CECR2: variants seen among roughly 807,000 people sequenced by gnomAD.
CECR2 encodes the protein chromatin remodeling regulator CECR2.
CECR2 carries 30 observed loss-of-function variants against 154.5 expected under a neutral mutation model. That is an observed-to-expected ratio of 0.19 (90% CI 0.15 to 0.26). The LOEUF (loss-of-function observed/expected upper bound fraction) is 0.26. Among genes scored for constraint, CECR2 ranks in the 10% least tolerant of loss-of-function variants. CECR2 has a pLI of 1.00. For missense variants in CECR2, 1,743 were observed against 1,829.3 expected (o/e 0.95, Z 0.86); for synonymous variants, 725 against 683.7 (o/e 1.06, Z -0.94).
chr22:17,410,686 C>T (rs5747110), intron 1 of CECR2, among the ~76,000 whole-genome samples: 70,798 of 151,978 alleles, frequency 0.47, 17,265 homozygotes, highest in Non-Finnish European at 0.54. Flanking sequence ...GACCTTGTGA[C>T]CTGCCTCAGC....
intron 1 of CECR2, among the ~76,000 whole-genome samples, chr22:17,458,973 G>A (rs2054895655): frequency 6.6e-6 from 1 of 152,192 alleles, no homozygotes; most frequent in South Asian, 2.1e-4. Flanking sequence ...TTGTGAAAAT[G>A]AGTCATTATG....
chr22:17,503,551 G>A (rs1482986246), intron 6 of CECR2, among the ~76,000 whole-genome samples: 1 of 152,202 alleles, frequency 6.6e-6, no homozygotes, highest in Non-Finnish European at 1.5e-5. Context: ...AGTTTGCACA[G>A]TGTAGTTGAG....
intron 2 of CECR2, among the ~76,000 whole-genome samples, chr22:17,487,937 C>T (rs548278224): frequency 6.6e-6 from 1 of 152,162 alleles, no homozygotes; most frequent in African/African-American, 2.4e-5. Flanking sequence ...GGTTTGAGTG[C>T]AATGGCCTGA....
chr22:17,481,048 T>TAAAAAAAAAA (rs1569109739), intron 2 of CECR2, among the ~76,000 whole-genome samples: 1 of 73,178 alleles, frequency 1.4e-5, no homozygotes, highest in African/African-American at 4.2e-5. Flanking sequence ...TCTTTTTTTT[T>TAAAAAAAAAA]TAAAAAAAAA....
At position 17,442,356 on chromosome 22, in the gene CECR2, A is replaced by G. The variant is rs1196561144; in HGVS notation, c.127-35232A>G. Among the ~76,000 whole-genome samples, 9 of 152,316 alleles carry G rather than the reference A, an allele frequency of 5.9e-5. 2 individuals are homozygous for G. In the Middle Eastern group the frequency reaches 0.017, roughly 288 times the overall value. On this transcript the variant is annotated intron_variant, in intron 1 of 18. Coordinates refer to ENST00000262608, the MANE Select transcript of CECR2 (RefSeq NM_001290047.2). ...AGATGGGAGAGGATAGCTTGAGGCT[A>G]GGAGTTCTGGAGCAGCCTGAGCAAC... is the stretch of plus-strand genomic sequence containing the variant.
intron 1 of CECR2, among the ~76,000 whole-genome samples, chr22:17,469,482 G>A (rs1258458951): frequency 3.3e-5 from 5 of 152,142 alleles, no homozygotes; most frequent in South Asian, 2.1e-4. Context: ...GCGACAGCGC[G>A]TCATCACTGT....
intron 2 of CECR2, among the ~76,000 whole-genome samples, chr22:17,488,917 G>T (rs2055474052): frequency 6.6e-6 from 1 of 152,132 alleles, no homozygotes; most frequent in Non-Finnish European, 1.5e-5. Context: ...TATCTGAACA[G>T]TCCAGTTGCT....
intron 1 of CECR2, among the ~76,000 whole-genome samples, chr22:17,373,070 T>C (rs759014612): frequency 1.3e-5 from 2 of 152,192 alleles, no homozygotes; most frequent in Non-Finnish European, 2.9e-5. Flanking sequence ...AATAAATTTT[T>C]TGTTTTTTCT....
At chr22:17,499,575 A>T (rs1472994770) in intron 4 of CECR2, 26 bp downstream of exon 4, 8 of 1,575,176 alleles carry the variant, frequency 5.1e-6, no homozygotes, top group Non-Finnish European at 6.9e-6. Context: ...TTAGGGCATG[A>T]TAGCTACTGT....
At chr22:17,447,596 G>A (rs773060772) in intron 1 of CECR2, among the ~76,000 whole-genome samples, 11 of 150,850 alleles carry the variant, frequency 7.3e-5, no homozygotes, top group African/African-American at 1.2e-4. Flanking sequence ...AAATCACATA[G>A]GAGTAATAAA....
intron 1 of CECR2, among the ~76,000 whole-genome samples, chr22:17,441,222 T>A (rs1018729431): frequency 1.3e-5 from 2 of 152,194 alleles, no homozygotes; most frequent in Admixed American, 1.3e-4. Context: ...AGTGCTGGGA[T>A]TACAGGCGTG....
At chr22:17,463,036 T>A (rs2054968300) in intron 1 of CECR2, among the ~76,000 whole-genome samples, 1 of 152,170 alleles carries the variant, frequency 6.6e-6, no homozygotes, top group South Asian at 2.1e-4. Context: ...AATAAATGCA[T>A]ATAATCAATA....
intron 9 of CECR2, among the ~76,000 whole-genome samples, chr22:17,525,802 A>G (rs1242881882): frequency 6.6e-6 from 1 of 152,112 alleles, no homozygotes; most frequent in Non-Finnish European, 1.5e-5. Flanking sequence ...TAGGGTCCTT[A>G]TTGGGTACAC....
rs527676454 is a variant in CECR2, at chr22:17,434,198, C to G, written c.127-43390C>G. On this transcript the variant is annotated intron_variant, in intron 1 of 18. Coordinates refer to ENST00000262608, the MANE Select transcript of CECR2 (RefSeq NM_001290047.2). The stretch of plus-strand genomic sequence containing the variant: ...CTCTTGGGAGAATGAACAGTTAAAG[C>G]ATGGTGTGACTATTGTTCTGTCAAG... 3.9e-5 allele frequency among the ~76,000 whole-genome samples: 6 copies of G among 152,206 alleles called. No homozygotes were observed. In the South Asian group the frequency reaches 1.2e-3, roughly 32 times the overall value.
At chr22:17,421,786 C>G (rs2146604710) in intron 1 of CECR2, among the ~76,000 whole-genome samples, 1 of 151,446 alleles carries the variant, frequency 6.6e-6, no homozygotes, top group African/African-American at 2.4e-5. Context: ...GAGCGAGACT[C>G]CGTCTTGCAC....
chr22:17,438,619 A>ATTT (rs59612229), intron 1 of CECR2, among the ~76,000 whole-genome samples: 2 of 147,510 alleles, frequency 1.4e-5, no homozygotes, highest in African/African-American at 4.9e-5. Flanking sequence ...ACATTATGAG[A>ATTT]TTTTTTTTTT....
intron 8 of CECR2, among the ~76,000 whole-genome samples, chr22:17,515,680 T>TC (rs932416230): frequency 2.7e-5 from 4 of 150,788 alleles, no homozygotes; most frequent in African/African-American, 9.7e-5. Flanking sequence ...TACCAACCTT[T>TC]TTTTTTTTTT....
At chr22:17,421,499 C>T (rs2054248342) in intron 1 of CECR2, among the ~76,000 whole-genome samples, 1 of 150,674 alleles carries the variant, frequency 6.6e-6, no homozygotes. Flanking sequence ...CCTGTAGTCC[C>T]AGCTACTTGG....
chr22:17,500,660 G>T lies in CECR2; in HGVS notation c.575G>T (p.Ser192Ile). The T allele has an allele frequency of 6.4e-7, 1 of 1,556,228 alleles. No homozygotes were observed. The highest frequency in any genetic ancestry group is 1.2e-5 in the South Asian group (1 of 83,736). Residue 192 changes from serine (S) to isoleucine (I), a missense_variant, in exon 5 of 19, where the codon AGT (serine) becomes ATT (isoleucine). This residue lies in a region of CECR2 where 292 missense variants were observed against 301.2 expected (regional missense o/e 0.97). Transcript: ENST00000262608. ...RESEGQKNVS[S>I]IPGKTGKRRG... The stretch of plus-strand genomic sequence containing the variant: ...AGTGAAGGACAAAAAAATGTCTCAA[G>T]TATTCCTGGAAAAACGGGAAAAAGA...
Sources: gnomAD v4.1 joint callset for allele counts (sites outside exome capture counted in the v4.1 genomes callset) on GRCh38, gnomAD v4.1.1 for gene constraint, gnomAD v4.1.1 regional missense constraint, MANE v1.5 for transcripts, NCBI Gene and HGNC (gene_info 2026-07-23, HGNC 2026-07-21) for gene names.